The following FAM228B variants were observed in gnomAD, a reference collection of about 807,000 sequenced individuals.
FAM228B encodes protein FAM228B.
FAM228B carries 38 observed loss-of-function variants against 42.6 expected under a neutral mutation model. The ratio of observed to expected loss-of-function variants is 0.89; its 90% CI spans 0.69 to 1.17. The LOEUF (loss-of-function observed/expected upper bound fraction) is 1.17. Among genes scored for constraint, FAM228B ranks in the 50% most tolerant of loss-of-function variants. The pLI is 0.00. For synonymous variants in FAM228B, 109 were observed against 122.3 expected, an observed-to-expected ratio of 0.89 and a Z score of 0.72; for missense variants, 344 against 367.3, an observed-to-expected ratio of 0.94 and a Z score of 0.52.
At chr2:24,106,054 T>C (rs1259264786) in intron 3 of FAM228B, among the ~76,000 whole-genome samples, 1 of 152,190 alleles carries the variant, frequency 6.6e-6, no homozygotes, top group African/African-American at 2.4e-5. Context: ...TAGGATAATG[T>C]TCATGAAAAT....
intron 2 of FAM228B, among the ~76,000 whole-genome samples, chr2:24,132,253 C>T (rs150636528): frequency 8.5e-5 from 13 of 152,076 alleles, no homozygotes; most frequent in Admixed American, 2.0e-4. Context: ...TGACAATTTT[C>T]GCATTGTACT....
At chr2:24,082,875 G>T (rs201028054) in intron 2 of FAM228B, 20 of 1,595,446 alleles carry the variant, frequency 1.3e-5, no homozygotes, top group Middle Eastern at 2.2e-4. Context: ...GAGCATGGAG[G>T]CCTCCTCACC....
intron 2 of FAM228B, among the ~76,000 whole-genome samples, chr2:24,092,963 C>CACAT (rs1363235042): frequency 6.6e-6 from 1 of 151,266 alleles, no homozygotes; most frequent in Non-Finnish European, 1.5e-5. Context: ...CACACACACA[C>CACAT]ACACCATGTA....
chr2:24,147,119 T>C, intron 7 of FAM228B, 33 bp downstream of exon 7: 1 of 1,413,830 alleles, frequency 7.1e-7, no homozygotes. Flanking sequence ...TTATAGAACC[T>C]TTTGGACTTT....
chr2:24,121,049 G>T, upstream of FAM228B: 1 of 1,378,132 alleles, frequency 7.3e-7, no homozygotes, highest in Non-Finnish European at 9.9e-7. Flanking sequence ...CAAGACAATG[G>T]CTCAAGACAT....
intron 10 of FAM228B, chr2:24,168,112 C>T: frequency 1.0e-5 from 2 of 191,718 alleles, no homozygotes; most frequent in South Asian, 2.2e-4. Context: ...TGTAGATGCT[C>T]ATCCTATACC....
chr2:24,079,521 T>G, intron 1 of FAM228B: 1 of 1,614,174 alleles, frequency 6.2e-7, no homozygotes, highest in Non-Finnish European at 8.5e-7. Context: ...AGGGGCCCAT[T>G]GATGTCACCT....
intron 3 of FAM228B, chr2:24,115,391 T>G: frequency 1.7e-6 from 1 of 587,912 alleles, no homozygotes; most frequent in South Asian, 2.1e-5. Context: ...CAACACTTAT[T>G]AAAAAACAGT....
At chr2:24,102,711 C>T (rs948624052) in intron 3 of FAM228B, among the ~76,000 whole-genome samples, 17 of 152,134 alleles carry the variant, frequency 1.1e-4, no homozygotes, top group African/African-American at 4.1e-4. Context: ...GCACTCCAGC[C>T]TGGGCAACAG....
chr2:24,117,227 G>T (rs890966533), intron 3 of FAM228B, among the ~76,000 whole-genome samples: 8 of 151,920 alleles, frequency 5.3e-5, no homozygotes, highest in African/African-American at 1.7e-4. Context: ...TGTTTTCCAG[G>T]CTGGTCTCAA....
intron 2 of FAM228B, 133 bp downstream of exon 2, chr2:24,124,593 TACTA>T (rs1361231411): frequency 1.7e-6 from 1 of 591,312 alleles, no homozygotes; most frequent in South Asian, 2.6e-5. Context: ...CCCTTCACTT[TACTA>T]ACTTTGTATA....
At chr2:24,121,196 G>T, upstream of FAM228B, 1 of 1,614,122 alleles carries the variant, frequency 6.2e-7, no homozygotes, top group Non-Finnish European at 8.5e-7. Flanking sequence ...CATCTGCCCG[G>T]ACACATCTGT....
chr2:24,156,775 C>T (rs979171384), intron 7 of FAM228B, among the ~76,000 whole-genome samples: 2 of 1,678 alleles, frequency 1.2e-3, no homozygotes, highest in Non-Finnish European at 3.8e-3. Context: ...TTTCTTTCCG[C>T]CCCCCCCCCC....
chr2:24,153,656 TG>T (rs1374536483), intron 7 of FAM228B, among the ~76,000 whole-genome samples: 2 of 152,184 alleles, frequency 1.3e-5, no homozygotes, highest in Non-Finnish European at 2.9e-5. Flanking sequence ...CTGCACTGCC[TG>T]GGGTTGGGAG....
At chr2:24,089,721 C>T (rs1021660363) in intron 2 of FAM228B, among the ~76,000 whole-genome samples, 7 of 152,274 alleles carry the variant, frequency 4.6e-5, no homozygotes, top group Middle Eastern at 3.4e-3. Flanking sequence ...TTTTTGTAAG[C>T]TGTTGTTGTT....
At chr2:24,133,961 AT>A (rs1232164040) in intron 2 of FAM228B, among the ~76,000 whole-genome samples, 1 of 152,224 alleles carries the variant, frequency 6.6e-6, no homozygotes, top group Non-Finnish European at 1.5e-5. Flanking sequence ...TGATAGCCAT[AT>A]TCACTAATGA....
At position 24,080,384 on chromosome 2, in the gene FAM228B, G is replaced by A. The variant is rs1664945898; in HGVS notation, c.-289-492G>A. 1.3e-5 allele frequency among the ~76,000 whole-genome samples: 2 copies of A among 152,048 alleles called. No individual in the cohort carries two copies. Among genetic ancestry groups the A allele is most frequent in the African/African-American group, 4.8e-5 (2 of 41,398 alleles). ...AAAAAAAAGAAAGAGAAACGGAAAG[G>A]GATGAGCCAAAAATAGACACGTCTG... On this transcript the variant is annotated intron_variant, in intron 1 of 10. Coordinates refer to the FAM228B transcript ENST00000613899. This position sits in a 1 kb window ranked among gnomAD's most constrained non-coding sequence, Gnocchi z 4.7.
chr2:24,090,349 A>AG (rs763114915), intron 2 of FAM228B, among the ~76,000 whole-genome samples: 4 of 152,034 alleles, frequency 2.6e-5, no homozygotes, highest in Admixed American at 1.3e-4. Flanking sequence ...TGAGAGGCCA[A>AG]GGGGGGAGCA....
chr2:24,137,981 G>C lies in FAM228B; in HGVS notation c.241G>C (p.Val81Leu). 8 of 1,548,526 alleles carry C rather than the reference G, an allele frequency of 5.2e-6. No homozygotes were observed. The highest frequency in any genetic ancestry group is 7.0e-6 in the Non-Finnish European group (8 of 1,146,222). The change falls in exon 4 of 11, where the codon GTT (valine) becomes CTT (leucine). Residue 81 changes from valine to leucine, a missense_variant. Coordinates refer to ENST00000615575, the MANE Select transcript of FAM228B (RefSeq NM_001145710.2). ...RRKEMLYKRWVDCVADPLQKK... is the reference protein window; with the variant it reads ...RRKEMLYKRWLDCVADPLQKK... ...AAAGGAGATGTTATATAAAAGATGGGTTGACTGTGTGGCAGATCCTCTTCA... is the reference window on the plus strand; with the variant it reads ...AAAGGAGATGTTATATAAAAGATGGCTTGACTGTGTGGCAGATCCTCTTCA...
Sources: gnomAD v4.1 joint callset for allele counts (sites outside exome capture counted in the v4.1 genomes callset) on GRCh38, gnomAD v4.1.1 for gene constraint, Gnocchi (gnomAD v3.1) non-coding constraint, MANE v1.5 for transcripts, NCBI Gene and HGNC (gene_info 2026-07-23, HGNC 2026-07-21) for gene names.